EYS: variants seen among roughly 807,000 people sequenced by gnomAD.
The protein encoded by EYS is protein eyes shut homolog.
A neutral mutation model predicts 282.1 loss-of-function variants in EYS; 250 were observed. The ratio of observed to expected loss-of-function variants is 0.89; its 90% CI spans 0.80 to 0.98. The LOEUF (loss-of-function observed/expected upper bound fraction) is 0.98. EYS is among the 50% of genes least tolerant of loss of function. The pLI is 0.00. For missense variants in EYS, 4,016 were observed against 3,709.0 expected (o/e 1.08, Z -2.15); for synonymous variants, 1,355 against 1,282.9 (o/e 1.06, Z -1.20).
At chr6:64,371,441 T>C (rs549111336) in intron 29 of EYS, among the ~76,000 whole-genome samples, 1 of 152,030 alleles carries the variant, frequency 6.6e-6, no homozygotes, top group African/African-American at 2.4e-5. Context: ...ATTGTGTGGG[T>C]AATTTTAGCG....
At chr6:63,891,547 T>TA (rs1214638335) in intron 35 of EYS, among the ~76,000 whole-genome samples, 1 of 152,150 alleles carries the variant, frequency 6.6e-6, no homozygotes, top group African/African-American at 2.4e-5. Context: ...CCCTTCATGC[T>TA]AAAAACACTC....
chr6:64,269,302 G>C (rs1354509598), intron 30 of EYS, among the ~76,000 whole-genome samples: 4 of 152,036 alleles, frequency 2.6e-5, no homozygotes, highest in Admixed American at 1.3e-4. Flanking sequence ...AGAATTTGGG[G>C]CTGAAAAATC....
intron 12 of EYS, among the ~76,000 whole-genome samples, chr6:65,275,533 A>G (rs1392085256): frequency 6.6e-6 from 1 of 152,174 alleles, no homozygotes; most frequent in Non-Finnish European, 1.5e-5. Context: ...GCCTGCATCT[A>G]TGGCTTCATA....
chr6:64,448,418 C>A (rs1038163489), intron 26 of EYS, among the ~76,000 whole-genome samples: 28 of 152,320 alleles, frequency 1.8e-4, no homozygotes, highest in African/African-American at 6.7e-4. Flanking sequence ...TCTGTAGGCT[C>A]CACCTCTGGG....
chr6:64,524,672 C>T (rs1428456578), intron 26 of EYS, among the ~76,000 whole-genome samples: 2 of 151,794 alleles, frequency 1.3e-5, no homozygotes, highest in Admixed American at 6.6e-5. Flanking sequence ...GGTCTAGTTT[C>T]AATCTTCTGC....
At chr6:65,398,047 A>G (rs908675478) in intron 7 of EYS, among the ~76,000 whole-genome samples, 1 of 151,906 alleles carries the variant, frequency 6.6e-6, no homozygotes, top group African/African-American at 2.4e-5. Context: ...GGCTGCTTTT[A>G]TATCTTCTTT....
At chr6:65,322,795 CAA>C (rs57571912) in intron 11 of EYS, among the ~76,000 whole-genome samples, 17 of 71,576 alleles carry the variant, frequency 2.4e-4, no homozygotes, top group African/African-American at 6.8e-4. Flanking sequence ...GAATCCGTCT[CAA>C]AAAAAAAAAA....
At chr6:64,221,712 A>G (rs2150333521) in intron 31 of EYS, among the ~76,000 whole-genome samples, 1 of 152,264 alleles carries the variant, frequency 6.6e-6, no homozygotes, top group South Asian at 2.1e-4. Flanking sequence ...CACCTTTCTG[A>G]GTACCGTGAT....
intron 7 of EYS, among the ~76,000 whole-genome samples, chr6:65,400,402 G>A (rs1040844985): frequency 2.6e-5 from 4 of 151,834 alleles, no homozygotes; most frequent in Non-Finnish European, 4.4e-5. Context: ...ATACCTCCAA[G>A]ACATCAATTA....
chr6:65,295,409 A>C (rs1184152119), intron 12 of EYS, among the ~76,000 whole-genome samples: 1 of 151,894 alleles, frequency 6.6e-6, no homozygotes, highest in Non-Finnish European at 1.5e-5. Flanking sequence ...ACTTTTTCTT[A>C]AATGTTATTA....
At chr6:64,489,322 T>C (rs1213911664) in intron 26 of EYS, among the ~76,000 whole-genome samples, 1 of 150,710 alleles carries the variant, frequency 6.6e-6, no homozygotes, top group Non-Finnish European at 1.5e-5. Context: ...AAATTCAAAT[T>C]TGTAAAACAC....
At chr6:64,031,541 C>T (rs1449798164) in intron 33 of EYS, among the ~76,000 whole-genome samples, 1 of 152,258 alleles carries the variant, frequency 6.6e-6, no homozygotes, top group Non-Finnish European at 1.5e-5. Flanking sequence ...GGCAGCTCCA[C>T]CTGCGGCCCG....
chr6:64,562,703 T>A (rs1765437330), intron 26 of EYS, among the ~76,000 whole-genome samples: 1 of 152,000 alleles, frequency 6.6e-6, no homozygotes, highest in African/African-American at 2.4e-5. Context: ...TATAGATGAA[T>A]TCTAAACTGT....
chr6:65,679,659 C>T (rs1768748678), intron 1 of EYS, among the ~76,000 whole-genome samples: 1 of 151,764 alleles, frequency 6.6e-6, no homozygotes, highest in South Asian at 2.1e-4. Flanking sequence ...TACTGTATAA[C>T]TAAAAAACTG....
chr6:64,065,746 C>T (rs568332005), intron 33 of EYS, among the ~76,000 whole-genome samples: 5 of 152,146 alleles, frequency 3.3e-5, no homozygotes, highest in South Asian at 2.1e-4. Context: ...TATTTGCTTG[C>T]ACCATAATAT....
intron 35 of EYS, among the ~76,000 whole-genome samples, chr6:63,977,476 G>A (rs1766893802): frequency 1.3e-5 from 2 of 151,962 alleles, no homozygotes; most frequent in Non-Finnish European, 2.9e-5. Flanking sequence ...AGAAATTATT[G>A]CAATTCCTAG....
chr6:64,729,211 C>G (rs1771871320), intron 22 of EYS, among the ~76,000 whole-genome samples: 1 of 152,178 alleles, frequency 6.6e-6, no homozygotes, highest in Non-Finnish European at 1.5e-5. Flanking sequence ...GACCTGCCCT[C>G]TTCTGCCCAG....
chr6:64,484,566 T>G (rs1776527928), intron 26 of EYS, among the ~76,000 whole-genome samples: 1 of 151,596 alleles, frequency 6.6e-6, no homozygotes, highest in Non-Finnish European at 1.5e-5. Flanking sequence ...TAACATATGA[T>G]ATAGGAAAAG....
At chr6:65,518,052 A>C (rs997853873) in intron 2 of EYS, among the ~76,000 whole-genome samples, 1 of 152,080 alleles carries the variant, frequency 6.6e-6, no homozygotes, top group African/African-American at 2.4e-5. Flanking sequence ...ACATTATCTA[A>C]ATCTCACAAC....
Sources: gnomAD v4.1 joint callset for allele counts (sites outside exome capture counted in the v4.1 genomes callset) on GRCh38, gnomAD v4.1.1 for gene constraint, MANE v1.5 for transcripts, NCBI Gene and HGNC (gene_info 2026-07-23, HGNC 2026-07-21) for gene names.